STON1: variants seen among roughly 807,000 people sequenced by gnomAD.
The protein encoded by STON1 is stonin-1.
Under a neutral mutation model 60.9 loss-of-function variants are expected in STON1, and 79 were observed. The observed-to-expected ratio is 1.30, with a 90% CI of 1.08 to 1.56. The LOEUF (loss-of-function observed/expected upper bound fraction) is 1.56. Among genes scored for constraint, STON1 ranks in the 40% most tolerant of loss-of-function variants. The probability of loss-of-function intolerance (pLI) is 0.00; values close to 1 mark genes in which losing one functional copy is unlikely to be tolerated. For synonymous variants in STON1, 363 were observed against 306.9 expected (o/e 1.18, Z -1.91); for missense variants, 1,166 against 858.9 (o/e 1.36, Z -4.47).
At position 48,564,483 on chromosome 2, in the gene STON1, C is replaced by CTTCTTCT. The variant is rs1672791208; in HGVS notation, c.-47-16102_-47-16096dup. 1.1e-4 allele frequency among the ~76,000 whole-genome samples: 3 copies of CTTCTTCT among 26,406 alleles called. 1 individual carries two copies. Among genetic ancestry groups the CTTCTTCT allele is most frequent in the African/African-American group, 3.0e-4 (2 of 6,754 alleles). 17.3% of individuals were successfully genotyped at this position (26,406 alleles called of 152,430 possible). A position where few individuals can be genotyped will look rare whatever the true frequency, so the allele number is the denominator to read the frequency against. On this transcript the variant is annotated intron_variant, in intron 1 of 3. Transcript: ENST00000404752. ...CTTCTTCTTCTTCTTCTTCTTCTTT[C>CTTCTTCT]TTCTTCTTCTTCTTCTTCTTCTTCT...
intron 1 of STON1, among the ~76,000 whole-genome samples, chr2:48,575,499 C>T (rs1673432421): frequency 6.6e-6 from 1 of 151,630 alleles, no homozygotes; most frequent in Non-Finnish European, 1.5e-5. Context: ...ACTAAAAATA[C>T]AAAATTAGCC....
chr2:48,533,882 G>GC (rs1671320487), intron 1 of STON1, among the ~76,000 whole-genome samples: 1 of 149,888 alleles, frequency 6.7e-6, no homozygotes, highest in Admixed American at 6.8e-5. Flanking sequence ...CGATTCTCCT[G>GC]CCTCAGCCAC....
intron 1 of STON1, among the ~76,000 whole-genome samples, chr2:48,564,596 CCTCCTCCTTCTCCTT>C (rs1672839800): frequency 2.3e-5 from 1 of 43,244 alleles, no homozygotes; most frequent in African/African-American, 7.6e-5. Context: ...TCCTCCTCCT[CCTCCTCCTTCTCCTT>C]CTCCTTCTCC....
rs1674759025 is a variant in STON1 at position 48,595,728 on chromosome 2, AAAATAGTT to A, written c.*429_*436del. Reference sequence around the variant, plus strand: ...AAGGGAATCAAAGGAGACATAAACCAAAATAGTTAATTTTCCCTCTTTCTTGCCTCTGA... The same window carrying A: ...AAGGGAATCAAAGGAGACATAAACCAAATTTTCCCTCTTTCTTGCCTCTGA... On this transcript the variant is annotated 3_prime_UTR_variant, in exon 4 of 4. Transcript: ENST00000404752. 6.1e-6 allele frequency: 1 copy of A among 164,248 alleles called. No individual in the cohort carries two copies. Among genetic ancestry groups the A allele is most frequent in the African/African-American group, 2.4e-5 (1 of 41,590 alleles). 10.2% of individuals were successfully genotyped at this position (164,248 alleles called of 1,614,324 possible). A position where few individuals can be genotyped will look rare whatever the true frequency, so the allele number is the denominator to read the frequency against.
At chr2:48,533,105 C>T (rs187342520) in intron 1 of STON1, among the ~76,000 whole-genome samples, 13 of 151,996 alleles carry the variant, frequency 8.6e-5, no homozygotes, top group South Asian at 2.1e-4. Context: ...AAAGATGGGC[C>T]GGGCGCGGTG....
rs111352932 is a variant in STON1 at position 48,536,642 on chromosome 2, A to G, written c.-48+6426A>G. On this transcript the variant is annotated intron_variant, in intron 1 of 3. Coordinates refer to ENST00000404752, the MANE Select transcript of STON1 (RefSeq NM_006873.4). ...GCTATTATTACTTTTTTATTTTTTC[A>G]GAATTTCTGGGCCATCTTGGATTTG... Among the ~76,000 whole-genome samples, 972 of 151,658 alleles carry G rather than the reference A, an allele frequency of 6.4e-3. 14 individuals are homozygous for G. Among genetic ancestry groups the G allele is most frequent in the African/African-American group, 0.022 (927 of 41,444 alleles).
rs546815539 is a variant in STON1 at position 48,538,986 on chromosome 2, T to C, written c.-48+8770T>C. On this transcript the variant is annotated intron_variant, in intron 1 of 3. Transcript: ENST00000404752. ...CTGCTGGAGTGCAGCGGCACCATCA[T>C]AGCTCACTGCAGCCTCAAACTCCTG... Among the ~76,000 whole-genome samples the C allele has an allele frequency of 7.2e-5, 11 of 151,920 alleles. No individual in the cohort carries two copies. In the South Asian group the frequency reaches 2.3e-3, roughly 32 times the overall value.
At chr2:48,588,237 T>A (rs961228778) in intron 2 of STON1, among the ~76,000 whole-genome samples, 1 of 152,224 alleles carries the variant, frequency 6.6e-6, no homozygotes, top group Non-Finnish European at 1.5e-5. Flanking sequence ...GATCCCAGAA[T>A]GCATCTCTAT....
chr2:48,583,421 C>T (rs114481899), intron 2 of STON1, among the ~76,000 whole-genome samples: 172 of 152,100 alleles, frequency 1.1e-3, no homozygotes, highest in African/African-American at 3.9e-3. Flanking sequence ...GGTGGACACA[C>T]GTGAGTGTTA....
At chr2:48,561,854 C>T (rs1558600171) in intron 1 of STON1, among the ~76,000 whole-genome samples, 1 of 152,040 alleles carries the variant, frequency 6.6e-6, no homozygotes. Context: ...GAAGTTCCCA[C>T]ATTACTTTTA....
At position 48,596,566 on chromosome 2, in the gene STON1, A is replaced by G; in HGVS notation, c.*1264A>G. ...CAATTTATGTTGAGTCTTAAACATAATTAGGAGATATTTTTCTCTATTTGC... is the reference window on the plus strand; with the variant it reads ...CAATTTATGTTGAGTCTTAAACATAGTTAGGAGATATTTTTCTCTATTTGC... On this transcript the variant is annotated 3_prime_UTR_variant, in exon 4 of 4. Transcript: ENST00000404752. 1 of 152,210 alleles carries G rather than the reference A, an allele frequency of 6.6e-6. No individual in the cohort carries two copies. Among genetic ancestry groups the G allele is most frequent in the Non-Finnish European group, 1.5e-5 (1 of 68,034 alleles). The allele number at this position is 152,210 out of a possible 1,614,324, so 9.4% of individuals were successfully genotyped here. A position where few individuals can be genotyped will look rare whatever the true frequency, so the allele number is the denominator to read the frequency against.
intron 1 of STON1, among the ~76,000 whole-genome samples, chr2:48,535,867 G>A (rs1473604387): frequency 1.3e-5 from 2 of 151,522 alleles, no homozygotes; most frequent in Admixed American, 6.6e-5. Context: ...CGGGCTGATC[G>A]CTTGAGCTCA....
At chr2:48,578,181 T>C (rs1234772045) in intron 1 of STON1, among the ~76,000 whole-genome samples, 1 of 152,150 alleles carries the variant, frequency 6.6e-6, no homozygotes, top group Non-Finnish European at 1.5e-5. Context: ...TTCACCATGT[T>C]GGCCATGCTG....
chr2:48,591,483 A>G (rs914754163), intron 2 of STON1, among the ~76,000 whole-genome samples, 170 bp from the exon 3 acceptor site: 1 of 152,066 alleles, frequency 6.6e-6, no homozygotes, highest in Non-Finnish European at 1.5e-5. Context: ...CTTTCCCCCT[A>G]GTTGGTGCAA....
Position 48,535,599 on chromosome 2 carries a change from C to G in STON1, c.-48+5383C>G, listed in dbSNP as rs571215419. Among the ~76,000 whole-genome samples, 129 of 152,310 alleles carry G rather than the reference C, an allele frequency of 8.5e-4. 1 individual carries two copies. Among genetic ancestry groups the G allele is most frequent in the African/African-American group, 2.9e-3 (122 of 41,558 alleles). On this transcript the variant is annotated intron_variant, in intron 1 of 3. Coordinates refer to ENST00000404752, the MANE Select transcript of STON1 (RefSeq NM_006873.4). ...GTGGCTCATGCCTGTAATCTCAGCA[C>G]TTTGGGAGGCCGACGTGGGGGGATC...
intron 1 of STON1, among the ~76,000 whole-genome samples, chr2:48,573,872 C>T (rs1422403462): frequency 6.6e-6 from 1 of 152,178 alleles, no homozygotes; most frequent in Non-Finnish European, 1.5e-5. Flanking sequence ...TATGTGCTAC[C>T]ACATGGATGA....
At chr2:48,586,816 T>C in intron 2 of STON1, among the ~76,000 whole-genome samples, 1 of 151,610 alleles carries the variant, frequency 6.6e-6, no homozygotes, top group South Asian at 2.1e-4. Flanking sequence ...CACAGGGAAG[T>C]TGGGAGGAGG....
chr2:48,547,936 A>G (rs932758619), intron 1 of STON1, among the ~76,000 whole-genome samples: 7 of 152,230 alleles, frequency 4.6e-5, no homozygotes, highest in African/African-American at 1.7e-4. Context: ...GCATTGGGCT[A>G]GATGCGTTTT....
chr2:48,568,562 A>G (rs1038695797), intron 1 of STON1, among the ~76,000 whole-genome samples: 1 of 151,972 alleles, frequency 6.6e-6, no homozygotes, highest in Non-Finnish European at 1.5e-5. Flanking sequence ...AATTACAGAG[A>G]ATACTGGAAT....
Sources: gnomAD v4.1 joint callset for allele counts (sites outside exome capture counted in the v4.1 genomes callset) on GRCh38, gnomAD v4.1.1 for gene constraint, MANE v1.5 for transcripts, NCBI Gene and HGNC (gene_info 2026-07-23, HGNC 2026-07-21) for gene names.